The following FAM20A variants were observed in gnomAD, a reference collection of about 807,000 sequenced individuals.
FAM20A encodes the protein pseudokinase FAM20A.
A neutral mutation model predicts 52.0 loss-of-function variants in FAM20A; 42 were observed. The observed-to-expected ratio is 0.81, with a 90% confidence interval of 0.63 to 1.04. The LOEUF (loss-of-function observed/expected upper bound fraction) is 1.04, where lower values mean the gene tolerates loss of function less well. Among genes scored for constraint, FAM20A ranks in the 50% least tolerant of loss-of-function variants. The pLI, the probability that FAM20A is intolerant of heterozygous loss-of-function variation, is 0.00. For synonymous variants in FAM20A, 304 were observed against 298.9 expected (o/e 1.02, Z -0.18); for missense variants, 742 against 712.7 (o/e 1.04, Z -0.47).
intron 6 of FAM20A, 53 bp from the exon 7 acceptor site, chr17:68,542,218 A>G: frequency 1.3e-6 from 2 of 1,595,046 alleles, no homozygotes; most frequent in Non-Finnish European, 1.7e-6. Flanking sequence ...TGGAGGCATG[A>G]CATCTTCCTG....
At chr17:68,539,307 G>A (rs766545212) in intron 10 of FAM20A, 30 bp downstream of exon 10, 3 of 1,611,962 alleles carry the variant, frequency 1.9e-6, no homozygotes, top group Non-Finnish European at 2.5e-6. Flanking sequence ...ACTGTTACTT[G>A]CCCGTATTAT....
chr17:68,568,509 A>G (rs2087446057), intron 1 of FAM20A, among the ~76,000 whole-genome samples: 1 of 151,544 alleles, frequency 6.6e-6, no homozygotes. Flanking sequence ...TTTTAAAAAT[A>G]AATAAAAGAA....
chr17:68,581,399 T>TTTCTTTCTTTC (rs2087966347), intron 1 of FAM20A, among the ~76,000 whole-genome samples: 1 of 147,798 alleles, frequency 6.8e-6, no homozygotes, highest in African/African-American at 2.5e-5. Flanking sequence ...TCTTTCTTTC[T>TTTCTTTCTTTC]TTCTTTCTTT....
At chr17:68,567,884 G>T (rs902831330) in intron 1 of FAM20A, among the ~76,000 whole-genome samples, 1 of 151,832 alleles carries the variant, frequency 6.6e-6, no homozygotes, top group Non-Finnish European at 1.5e-5. Context: ...TCTTGCACTC[G>T]CTCCCTCCTG....
chr17:68,562,902 C>T (rs1598038405), intron 1 of FAM20A, among the ~76,000 whole-genome samples: 1 of 152,176 alleles, frequency 6.6e-6, no homozygotes, highest in East Asian at 1.9e-4. Context: ...TGCCAATGAC[C>T]AGAAAGCCTG....
At chr17:68,546,209 C>T (rs1381034943) in intron 4 of FAM20A, among the ~76,000 whole-genome samples, 1 of 145,116 alleles carries the variant, frequency 6.9e-6, no homozygotes, top group East Asian at 2.0e-4. Context: ...GCAACTCTAT[C>T]TGTTCAAGTT....
At chr17:68,539,733 A>G (rs979650584) in intron 9 of FAM20A, 152 bp downstream of exon 9, 109 of 743,220 alleles carry the variant, frequency 1.5e-4, no homozygotes, top group Non-Finnish European at 2.4e-4. Context: ...GTAAAGAGAA[A>G]GAAGGAAATG....
At position 68,555,742 on chromosome 17, in the gene FAM20A, G is replaced by T. The variant is rs144411158; in HGVS notation, c.406C>A (p.Arg136=). 4 of 1,613,850 alleles carry T rather than the reference G, an allele frequency of 2.5e-6. No homozygotes were observed. The South Asian group carries it at 4.4e-5, about 18-fold the overall frequency. ...ATCTGCTCTCTGTACATCTTGTGTC[G>T]CCTGAAAGAGCCAGATAGTTGTTCA... ...YRRKVARWNR[R]HKMYREQMNL... The change falls in exon 2 of 11, where the codon CGA becomes AGA. Residue 136 remains arginine (R), a splice_region_variant and synonymous_variant. Coordinates refer to ENST00000592554, the MANE Select transcript of FAM20A (RefSeq NM_017565.4).
rs987695539 is a variant in FAM20A, at chr17:68,600,470, G to C, written c.197C>G (p.Thr66Arg). The C allele has an allele frequency of 3.1e-6, 5 of 1,607,448 alleles. No homozygotes were observed. In the African/African-American group the frequency reaches 6.7e-5, roughly 21 times the overall value. ...GGTTCGGGAAAAGTTGTGCACGATC[G>C]TGCCGGGGTCCGAGGCAGCTGCGGC... is the stretch of plus-strand genomic sequence containing the variant. ...DSAAAASDPG[T>R]IVHNFSRTEP... The change falls in exon 1 of 11, where the codon ACG becomes AGG. Residue 66 changes from threonine to arginine, a missense_variant. By Grantham distance (71) the Thr-to-Arg change is moderately conservative (BLOSUM62 -1). Transcript: ENST00000592554. The surrounding 1 kb of genome is among the most constrained non-coding windows in gnomAD (Gnocchi z 6.2).
intron 1 of FAM20A, chr17:68,558,552 C>T (rs2087119980): frequency 5.6e-6 from 1 of 179,148 alleles, no homozygotes; most frequent in Non-Finnish European, 1.2e-5. Flanking sequence ...CTCTCTTGTG[C>T]TCCTGCTCTT....
chr17:68,542,141 T>C lies in FAM20A; in HGVS notation c.953A>G (p.Lys318Arg), dbSNP rs772399767. The change falls in exon 7 of 11, where the codon AAG becomes AGG. Residue 318 changes from lysine to arginine, a missense_variant. Coordinates refer to ENST00000592554, the MANE Select transcript of FAM20A (RefSeq NM_017565.4). ...SPASNVCFFA[K>R]CPYMCKTEYA... ...CTCCGTCTTGCACATGTATGGACACTTGGCGAAGAAGCACACGTTGCTCGC... is the reference window on the plus strand; with the variant it reads ...CTCCGTCTTGCACATGTATGGACACCTGGCGAAGAAGCACACGTTGCTCGC... The C allele has an allele frequency of 1.9e-6, 3 of 1,614,000 alleles. No homozygotes were observed. Among genetic ancestry groups the C allele is most frequent in the Non-Finnish European group, 2.5e-6 (3 of 1,180,010 alleles).
intron 3 of FAM20A, among the ~76,000 whole-genome samples, chr17:68,554,055 C>CACATAT (rs2086977279): frequency 7.8e-6 from 1 of 128,188 alleles, no homozygotes; most frequent in East Asian, 2.0e-4. Context: ...TACACATATA[C>CACATAT]ACATATACAC....
chr17:68,575,640 ATAT>A (rs1216857501), intron 1 of FAM20A, among the ~76,000 whole-genome samples: 2 of 110,038 alleles, frequency 1.8e-5, no homozygotes, highest in South Asian at 2.4e-4. Flanking sequence ...ATAATATAGA[ATAT>A]TATATTTTAT....
chr17:68,551,487 G>C (rs1005370642), intron 4 of FAM20A, among the ~76,000 whole-genome samples: 2 of 152,074 alleles, frequency 1.3e-5, no homozygotes, highest in Non-Finnish European at 2.9e-5. Context: ...AGATGCCTGG[G>C]TTTGAATCCT....
chr17:68,556,433 A>G (rs1194440170), intron 1 of FAM20A, among the ~76,000 whole-genome samples: 2 of 152,258 alleles, frequency 1.3e-5, no homozygotes, highest in Non-Finnish European at 2.9e-5. Flanking sequence ...CAAAGCTGTT[A>G]TAAATCAACT....
chr17:68,552,458 G>A (rs969730492), intron 3 of FAM20A, among the ~76,000 whole-genome samples: 1 of 152,056 alleles, frequency 6.6e-6, no homozygotes, highest in Non-Finnish European at 1.5e-5. Context: ...CCTGGGCTGG[G>A]ACCAGGGCTT....
intron 1 of FAM20A, among the ~76,000 whole-genome samples, chr17:68,582,881 T>A (rs2088051921): frequency 7.2e-6 from 1 of 138,992 alleles, no homozygotes; most frequent in South Asian, 2.4e-4. Context: ...GCAACCTCCG[T>A]CTCCCAGGTT....
At chr17:68,542,337 C>T (rs576754585) in intron 6 of FAM20A, among the ~76,000 whole-genome samples, 172 bp from the exon 7 acceptor site, 2 of 152,324 alleles carry the variant, frequency 1.3e-5, no homozygotes, top group South Asian at 2.1e-4. Context: ...GTGAATGCTA[C>T]TAAGCTGAAC....
intron 1 of FAM20A, among the ~76,000 whole-genome samples, chr17:68,568,081 T>C (rs1192082105): frequency 6.6e-6 from 1 of 151,928 alleles, no homozygotes; most frequent in African/African-American, 2.4e-5. Flanking sequence ...TGGTCAGTCA[T>C]TGGCTATGAC....
Sources: allele counts gnomAD v4.1 joint callset (sites outside exome capture counted in the v4.1 genomes callset), GRCh38; gene constraint gnomAD v4.1.1; non-coding constraint Gnocchi (gnomAD v3.1); transcripts MANE v1.5; gene names NCBI Gene and HGNC (gene_info 2026-07-23, HGNC 2026-07-21).